NOL4: variants seen among roughly 807,000 people sequenced by gnomAD.
The protein encoded by NOL4 is cancer/testis antigen 125.
NOL4 carries 17 observed loss-of-function variants against 75.9 expected under a neutral mutation model. The observed-to-expected ratio is 0.22, with a 90% confidence interval of 0.15 to 0.34. The LOEUF is 0.34. Ranked by LOEUF, NOL4 falls within the 10% of genes least tolerant of loss-of-function variation. The pLI is 1.00. For missense variants in NOL4, 614 were observed against 793.5 expected, an observed-to-expected ratio of 0.77 and a Z score of 2.72; for synonymous variants, 292 against 289.9, an observed-to-expected ratio of 1.01 and a Z score of -0.07.
At chr18:34,056,777 G>A (rs898619114) in intron 5 of NOL4, among the ~76,000 whole-genome samples, 8 of 152,006 alleles carry the variant, frequency 5.3e-5, no homozygotes, top group Non-Finnish European at 8.8e-5. Flanking sequence ...TCTGGGTGCC[G>A]CTACTTCTTA....
chr18:33,896,889 T>C (rs1309911951), intron 9 of NOL4, among the ~76,000 whole-genome samples: 1 of 151,972 alleles, frequency 6.6e-6, no homozygotes, highest in Non-Finnish European at 1.5e-5. Context: ...AAGTCTAATA[T>C]CCAGCATCTA....
chr18:34,011,006 A>T (rs564601551), intron 6 of NOL4, among the ~76,000 whole-genome samples: 94 of 151,930 alleles, frequency 6.2e-4, no homozygotes, highest in African/African-American at 2.2e-3. Context: ...AGAATGAAAA[A>T]GATCTAGTAC....
intron 5 of NOL4, among the ~76,000 whole-genome samples, chr18:34,082,988 A>G (rs1188620637): frequency 6.6e-6 from 1 of 152,208 alleles, no homozygotes; most frequent in Non-Finnish European, 1.5e-5. Flanking sequence ...GGTTGAAGGA[A>G]ATCCCAAGAA....
intron 1 of NOL4, among the ~76,000 whole-genome samples, chr18:34,185,816 T>C (rs2034419504): frequency 6.6e-6 from 1 of 152,154 alleles, no homozygotes; most frequent in Admixed American, 6.5e-5. Context: ...ATCTCCTACT[T>C]CACCAAAGAG....
At chr18:33,921,949 T>C (rs1453937839) in intron 9 of NOL4, among the ~76,000 whole-genome samples, 2 of 152,142 alleles carry the variant, frequency 1.3e-5, no homozygotes, top group South Asian at 4.1e-4. Context: ...CAAAACTAAA[T>C]ATGTGGCCTA....
chr18:34,148,857 T>C (rs1361499444), intron 1 of NOL4, among the ~76,000 whole-genome samples: 2 of 151,974 alleles, frequency 1.3e-5, no homozygotes, highest in African/African-American at 2.4e-5. Flanking sequence ...AGTCTCTTTG[T>C]AAGTCTCTAA....
chr18:34,014,850 T>A (rs989455227), intron 6 of NOL4, among the ~76,000 whole-genome samples: 1 of 152,046 alleles, frequency 6.6e-6, no homozygotes, highest in African/African-American at 2.4e-5. Flanking sequence ...AATGACATAG[T>A]CCAACTCAAC....
chr18:34,150,817 T>A (rs183120861), intron 1 of NOL4, among the ~76,000 whole-genome samples: 1 of 151,764 alleles, frequency 6.6e-6, no homozygotes, highest in East Asian at 1.9e-4. Context: ...AGCAACAGAC[T>A]GGAAGAAGAC....
chr18:34,112,398 A>T (rs1212154872), intron 2 of NOL4, among the ~76,000 whole-genome samples: 3 of 152,152 alleles, frequency 2.0e-5, no homozygotes, highest in South Asian at 4.1e-4. Flanking sequence ...GGGACAATAT[A>T]AGTGTCTACT....
intron 9 of NOL4, among the ~76,000 whole-genome samples, chr18:33,886,919 C>CTAG (rs2064729710): frequency 9.3e-5 from 10 of 107,662 alleles, no homozygotes; most frequent in African/African-American, 3.2e-4. Flanking sequence ...TATCTATATA[C>CTAG]ATATATATCT....
intron 4 of NOL4, among the ~76,000 whole-genome samples, chr18:34,097,098 G>A (rs181543179): frequency 7.1e-4 from 108 of 152,122 alleles, no homozygotes; most frequent in Admixed American, 3.9e-3. Context: ...CACCAGTCCT[G>A]CCTATTAACA....
chr18:34,154,067 A>G (rs1328801969), intron 1 of NOL4, among the ~76,000 whole-genome samples: 4 of 152,116 alleles, frequency 2.6e-5, no homozygotes, highest in South Asian at 2.1e-4. Flanking sequence ...TTCCATTACT[A>G]AAAGGATGAA....
chr18:34,058,302 T>G (rs995166046), intron 5 of NOL4, among the ~76,000 whole-genome samples: 2 of 152,062 alleles, frequency 1.3e-5, no homozygotes, highest in Admixed American at 1.3e-4. Context: ...CCCGGCTAAT[T>G]TTTTGTTATT....
At chr18:34,034,268 C>T (rs2075779858) in intron 5 of NOL4, among the ~76,000 whole-genome samples, 1 of 146,628 alleles carries the variant, frequency 6.8e-6, no homozygotes, top group South Asian at 2.3e-4. Context: ...AAATCTCACA[C>T]ATCAGTAACA....
chr18:34,067,497 TC>T (rs2077331533), intron 5 of NOL4, among the ~76,000 whole-genome samples: 1 of 152,094 alleles, frequency 6.6e-6, no homozygotes, highest in Admixed American at 6.5e-5. Flanking sequence ...AGCAAGGAGA[TC>T]AGGTATGAGG....
At chr18:33,961,348 T>A (rs2070112361) in intron 6 of NOL4, among the ~76,000 whole-genome samples, 1 of 151,940 alleles carries the variant, frequency 6.6e-6, no homozygotes, top group African/African-American at 2.4e-5. Flanking sequence ...AAGGGCATAA[T>A]CCAGTGTCTT....
At chr18:34,216,644 GTATAA>G (rs139100593) in intron 1 of NOL4, among the ~76,000 whole-genome samples, 23,410 of 148,796 alleles carry the variant, frequency 0.16, 1,906 homozygotes, top group African/African-American at 0.2. Context: ...TATATAATAA[GTATAA>G]TATAATAAGT....
At chr18:34,151,970 T>G (rs2081659965) in intron 1 of NOL4, among the ~76,000 whole-genome samples, 1 of 151,884 alleles carries the variant, frequency 6.6e-6, no homozygotes, top group Admixed American at 6.6e-5. Flanking sequence ...CTCAAGGAAT[T>G]TTTTGTAAAC....
At chr18:34,189,221 AG>A (rs2034727995) in intron 1 of NOL4, among the ~76,000 whole-genome samples, 1 of 152,166 alleles carries the variant, frequency 6.6e-6, no homozygotes, top group Non-Finnish European at 1.5e-5. Context: ...TATGCAAAAG[AG>A]GCAAAACATG....
Sources: allele counts gnomAD v4.1 joint callset (sites outside exome capture counted in the v4.1 genomes callset), GRCh38; gene constraint gnomAD v4.1.1; transcripts MANE v1.5; gene names NCBI Gene and HGNC (gene_info 2026-07-23, HGNC 2026-07-21).